The following PIP4K2A variants were observed in gnomAD, a reference collection of about 807,000 sequenced individuals.
The protein encoded by PIP4K2A is phosphatidylinositol-5-phosphate 4-kinase type 2 alpha.
PIP4K2A carries 14 observed loss-of-function variants against 42.9 expected under a neutral mutation model. The observed-to-expected ratio is 0.33, with a 90% CI of 0.22 to 0.51. The LOEUF (loss-of-function observed/expected upper bound fraction) is 0.51, where lower values mean the gene tolerates loss of function less well. PIP4K2A is among the 20% of genes least tolerant of loss of function. The pLI, the probability that PIP4K2A is intolerant of heterozygous loss-of-function variation, is 0.97. For missense variants in PIP4K2A, 434 were observed against 519.8 expected, an observed-to-expected ratio of 0.83 and a Z score of 1.61; for synonymous variants, 192 against 192.2, an observed-to-expected ratio of 1.00 and a Z score of 0.01.
At chr10:22,573,962 G>A (rs559612655) in intron 4 of PIP4K2A, among the ~76,000 whole-genome samples, 2 of 152,296 alleles carry the variant, frequency 1.3e-5, no homozygotes, top group East Asian at 3.9e-4. Flanking sequence ...AAGAGAGCAG[G>A]GGAGAAGGGG....
rs1007487064 is a variant in PIP4K2A at position 22,557,664 on chromosome 10, A to G, written c.679-6892T>C. 6.6e-5 allele frequency among the ~76,000 whole-genome samples: 10 copies of G among 152,376 alleles called. 2 individuals are homozygous for G. Among genetic ancestry groups the G allele is most frequent in the South Asian group, 2.1e-4 (1 of 4,832 alleles). Reference sequence around the variant, plus strand: ...TCTTTCAGATGACACAAAATTTTTAAAAATCACAAATTTCAAACTATAGTT... The same window carrying G: ...TCTTTCAGATGACACAAAATTTTTAGAAATCACAAATTTCAAACTATAGTT... On this transcript the variant is annotated intron_variant, in intron 6 of 9. Transcript: ENST00000376573.
chr10:22,671,745 TACACACACACAC>T (rs143696456), intron 1 of PIP4K2A, among the ~76,000 whole-genome samples: 3 of 144,664 alleles, frequency 2.1e-5, no homozygotes, highest in African/African-American at 5.0e-5. Context: ...ACTTGGAAAA[TACACACACACAC>T]ACACACACAC....
intron 1 of PIP4K2A, among the ~76,000 whole-genome samples, chr10:22,672,287 G>T (rs191766323): frequency 1.1e-4 from 16 of 149,002 alleles, no homozygotes; most frequent in Non-Finnish European, 2.1e-4. Flanking sequence ...GGGACAGTGT[G>T]GGGGGGGATT....
intron 1 of PIP4K2A, among the ~76,000 whole-genome samples, chr10:22,644,502 T>A (rs574535303): frequency 6.6e-6 from 1 of 152,298 alleles, no homozygotes; most frequent in African/African-American, 2.4e-5. Flanking sequence ...CCTGCCTGGT[T>A]TGCCCATGGC....
chr10:22,612,322 G>C (rs1176183235), intron 1 of PIP4K2A, among the ~76,000 whole-genome samples: 1 of 152,198 alleles, frequency 6.6e-6, no homozygotes, highest in Non-Finnish European at 1.5e-5. Flanking sequence ...AAGCACAATG[G>C]GCTACGAGCA....
At chr10:22,540,173 A>T in intron 8 of PIP4K2A, 99 bp from the exon 9 acceptor site, 1 of 760,636 alleles carries the variant, frequency 1.3e-6, no homozygotes, top group Admixed American at 1.8e-5. Context: ...GCCTGGAGGG[A>T]GGGGATTCAA....
At chr10:22,567,601 G>A in intron 6 of PIP4K2A, 1 of 701,326 alleles carries the variant, frequency 1.4e-6, no homozygotes, top group Non-Finnish European at 2.7e-6. Context: ...TCAAGAGCAA[G>A]TTGCATGTGG....
intron 1 of PIP4K2A, among the ~76,000 whole-genome samples, chr10:22,617,719 A>G (rs754822): frequency 0.46 from 69,788 of 151,820 alleles, 18,098 homozygotes; most frequent in African/African-American, 0.71. Flanking sequence ...CGGAAGTGGC[A>G]GGGGGCCTGG....
rs143821218 is a variant in PIP4K2A at position 22,543,073 on chromosome 10, A to G, written c.793-1026T>C. Reference sequence around the variant, plus strand: ...AGATGTCCTCATGCAAAGGGCAAACAGATAAAATCACAGGTCTTGAAGTTC... The same window carrying G: ...AGATGTCCTCATGCAAAGGGCAAACGGATAAAATCACAGGTCTTGAAGTTC... On this transcript the variant is annotated intron_variant, in intron 7 of 9. Transcript: ENST00000376573. Among the ~76,000 whole-genome samples the G allele has an allele frequency of 5.4e-3, 818 of 152,356 alleles. 9 individuals are homozygous for G. The highest frequency in any genetic ancestry group is 0.019 in the African/African-American group (773 of 41,594).
At chr10:22,672,829 C>T (rs1299621243) in intron 1 of PIP4K2A, among the ~76,000 whole-genome samples, 2 of 152,180 alleles carry the variant, frequency 1.3e-5, no homozygotes, top group African/African-American at 2.4e-5. Flanking sequence ...AGTTAATACC[C>T]AGCCCTCAAC....
intron 1 of PIP4K2A, among the ~76,000 whole-genome samples, chr10:22,631,971 C>T (rs1050064073): frequency 3.9e-5 from 6 of 151,998 alleles, no homozygotes; most frequent in Admixed American, 3.9e-4. Flanking sequence ...CCTTCTGATA[C>T]GTGCGCTGAG....
chr10:22,603,504 G>T (rs569602166), intron 3 of PIP4K2A, among the ~76,000 whole-genome samples: 29 of 152,006 alleles, frequency 1.9e-4, no homozygotes, highest in South Asian at 1.2e-3. Context: ...TGGAAAGAGG[G>T]GTGCAGATTT....
intron 1 of PIP4K2A, among the ~76,000 whole-genome samples, chr10:22,698,330 A>G (rs1840010362): frequency 6.6e-6 from 1 of 152,244 alleles, no homozygotes; most frequent in South Asian, 2.1e-4. Flanking sequence ...AGATGTGGGA[A>G]AGCAGCTCTT....
chr10:22,706,188 C>T (rs573483764), intron 1 of PIP4K2A, among the ~76,000 whole-genome samples: 9 of 152,220 alleles, frequency 5.9e-5, no homozygotes, highest in Admixed American at 1.3e-4. Context: ...CACAGCCAAA[C>T]CATATCACCC....
chr10:22,670,535 A>G (rs922403669), intron 1 of PIP4K2A, among the ~76,000 whole-genome samples: 1 of 152,212 alleles, frequency 6.6e-6, no homozygotes, highest in African/African-American at 2.4e-5. Flanking sequence ...TTGCATACGT[A>G]CAGGGCATCA....
chr10:22,682,457 T>C (rs765133373), intron 1 of PIP4K2A, among the ~76,000 whole-genome samples: 1 of 152,188 alleles, frequency 6.6e-6, no homozygotes, highest in Non-Finnish European at 1.5e-5. Context: ...CTATTCCTAA[T>C]ATAGTGTTTT....
chr10:22,665,594 A>G (rs865972911), intron 1 of PIP4K2A, among the ~76,000 whole-genome samples: 1 of 134,368 alleles, frequency 7.4e-6, no homozygotes, highest in South Asian at 2.4e-4. Context: ...GAGGTGCACC[A>G]CCACACCTGG....
At position 22,664,078 on chromosome 10, in the gene PIP4K2A, T is replaced by C. The variant is rs1206924260; in HGVS notation, c.144+50105A>G. ...GTATATATACATATATATATATACG[T>C]ATATATATATACATATATATATATA... On this transcript the variant is annotated intron_variant, in intron 1 of 9. Transcript: ENST00000376573. Among the ~76,000 whole-genome samples the C allele has an allele frequency of 3.1e-3, 204 of 66,210 alleles. 11 individuals carry two copies. Among genetic ancestry groups the C allele is most frequent in the African/African-American group, 5.4e-3 (45 of 8,286 alleles). The allele number at this position is 66,210 out of a possible 152,430, so 43.4% of individuals were successfully genotyped here.
At chr10:22,634,931 A>G (rs1417775049) in intron 1 of PIP4K2A, among the ~76,000 whole-genome samples, 1 of 152,172 alleles carries the variant, frequency 6.6e-6, no homozygotes, top group East Asian at 1.9e-4. Context: ...CCTGGGTCTT[A>G]GGAGATAATG....
Sources: gnomAD v4.1 joint callset for allele counts (sites outside exome capture counted in the v4.1 genomes callset) on GRCh38, gnomAD v4.1.1 for gene constraint, MANE v1.5 for transcripts, NCBI Gene and HGNC (gene_info 2026-07-23, HGNC 2026-07-21) for gene names.